HS6ST3: variants seen among roughly 807,000 people sequenced by gnomAD.
HS6ST3 encodes the protein heparan-sulfate 6-O-sulfotransferase 3.
HS6ST3 carries 12 observed loss-of-function variants against 36.7 expected under a neutral mutation model. That is an observed-to-expected ratio of 0.33 (90% CI 0.21 to 0.53). The LOEUF is 0.53. Among genes scored for constraint, HS6ST3 ranks in the 20% least tolerant of loss-of-function variants. HS6ST3 has a pLI of 0.95. For synonymous variants in HS6ST3, 240 were observed against 257.5 expected, an observed-to-expected ratio of 0.93 and a Z score of 0.65; for missense variants, 584 against 640.9, an observed-to-expected ratio of 0.91 and a Z score of 0.96.
At chr13:96,305,705 C>G (rs2054908643) in intron 1 of HS6ST3, among the ~76,000 whole-genome samples, 1 of 152,088 alleles carries the variant, frequency 6.6e-6, no homozygotes, top group Non-Finnish European at 1.5e-5. Flanking sequence ...GCTATTTTTA[C>G]TGCAATTTAC....
At chr13:96,123,751 A>G (rs526381) in intron 1 of HS6ST3, among the ~76,000 whole-genome samples, 125,076 of 152,116 alleles carry the variant, frequency 0.82, 51,775 homozygotes, top group East Asian at 0.91. Context: ...TTTTGGCATG[A>G]TATCTTTTGT....
In HS6ST3 at chr13:96,651,217, T is replaced by C. The variant is rs1263552872; in HGVS notation, c.708-181273T>C. The stretch of plus-strand genomic sequence containing the variant: ...TATGCCAGGAAGTAAGTATTTGTTA[T>C]CCTAATCCATTCCTTAAATCAACAT... On this transcript the variant is annotated intron_variant, in intron 1 of 1. Coordinates refer to ENST00000376705, the MANE Select transcript of HS6ST3 (RefSeq NM_153456.4). 2.0e-5 allele frequency among the ~76,000 whole-genome samples: 3 copies of C among 152,122 alleles called. No individual in the cohort carries two copies. The East Asian group carries it at 5.8e-4, about 29-fold the overall frequency.
chr13:96,819,106 T>C (rs892837524), intron 1 of HS6ST3, among the ~76,000 whole-genome samples: 2 of 152,206 alleles, frequency 1.3e-5, no homozygotes, highest in Non-Finnish European at 2.9e-5. Flanking sequence ...CAAACATTCA[T>C]TTGCCTTTCC....
chr13:96,100,596 G>C (rs1186009082), intron 1 of HS6ST3, among the ~76,000 whole-genome samples: 1 of 152,210 alleles, frequency 6.6e-6, no homozygotes, highest in Non-Finnish European at 1.5e-5. Flanking sequence ...CTTCTGGAGA[G>C]GAGGTGTTTG....
chr13:96,328,517 C>T (rs1162162189), intron 1 of HS6ST3, among the ~76,000 whole-genome samples: 1 of 151,972 alleles, frequency 6.6e-6, no homozygotes, highest in Admixed American at 6.6e-5. Flanking sequence ...AGCCTTGCAT[C>T]CCAGGGATGA....
intron 1 of HS6ST3, among the ~76,000 whole-genome samples, chr13:96,643,921 T>A (rs2139008331): frequency 6.6e-6 from 1 of 152,036 alleles, no homozygotes; most frequent in Non-Finnish European, 1.5e-5. Context: ...ATTTAGCTTC[T>A]TTTTAGGAAA....
At chr13:96,198,554 C>T (rs2054325964) in intron 1 of HS6ST3, among the ~76,000 whole-genome samples, 3 of 152,170 alleles carry the variant, frequency 2.0e-5, no homozygotes, top group African/African-American at 7.2e-5. Context: ...TTTCTTCTGC[C>T]AGCTACCCTA....
Position 96,633,034 on chromosome 13 carries a change from T to C in HS6ST3, c.708-199456T>C, listed in dbSNP as rs1034602994. On this transcript the variant is annotated intron_variant, in intron 1 of 1. Coordinates refer to ENST00000376705, the MANE Select transcript of HS6ST3 (RefSeq NM_153456.4). ...CCTCTTCTAATTTTTTTTCTGTTTTTTCATCTTGCTTTCCTGTCATTCTTC... is the reference window on the plus strand; with the variant it reads ...CCTCTTCTAATTTTTTTTCTGTTTTCTCATCTTGCTTTCCTGTCATTCTTC... 2.0e-5 allele frequency among the ~76,000 whole-genome samples: 3 copies of C among 152,212 alleles called. 1 individual carries two copies. The highest frequency in any genetic ancestry group is 4.1e-4 in the South Asian group (2 of 4,836).
chr13:96,481,753 C>T (rs2055891058), intron 1 of HS6ST3, among the ~76,000 whole-genome samples: 2 of 152,162 alleles, frequency 1.3e-5, no homozygotes, highest in South Asian at 4.1e-4. Flanking sequence ...GGGTGGTGAT[C>T]CCTGCCTGTC....
chr13:96,179,835 A>G (rs2054231077), intron 1 of HS6ST3, among the ~76,000 whole-genome samples: 1 of 151,426 alleles, frequency 6.6e-6, no homozygotes, highest in Non-Finnish European at 1.5e-5. Flanking sequence ...ATTTTATTCT[A>G]TTTATTTATT....
chr13:96,573,219 C>A (rs746520602), intron 1 of HS6ST3, among the ~76,000 whole-genome samples: 1 of 152,160 alleles, frequency 6.6e-6, no homozygotes, highest in Non-Finnish European at 1.5e-5. Flanking sequence ...ATTTCTATTT[C>A]CTGTGCGATA....
intron 1 of HS6ST3, among the ~76,000 whole-genome samples, chr13:96,773,890 C>T (rs112405440): frequency 0.042 from 6,356 of 152,040 alleles, 403 homozygotes; most frequent in African/African-American, 0.13. Context: ...TGGGAGACAC[C>T]TCCCAGCAGG....
In HS6ST3 at chr13:96,209,992, C is replaced by G. The variant is rs542927728; in HGVS notation, c.707+118423C>G. 3.9e-5 allele frequency among the ~76,000 whole-genome samples: 6 copies of G among 152,270 alleles called. No individual in the cohort carries two copies. In the South Asian group the frequency reaches 1.2e-3, roughly 32 times the overall value. ...CAAGCAGATTGTAATTCTGTGAGAA[C>G]AGATCTTCCTGGTTTGGTTTACTGC... On this transcript the variant is annotated intron_variant, in intron 1 of 1. Transcript: ENST00000376705.
chr13:96,746,760 T>C (rs7983691), intron 1 of HS6ST3, among the ~76,000 whole-genome samples: 41,469 of 151,972 alleles, frequency 0.27, 5,848 homozygotes, highest in Non-Finnish European at 0.32. Flanking sequence ...AACTCTAATC[T>C]AATTAATGGT....
chr13:96,378,423 C>T (rs1024202212), intron 1 of HS6ST3, among the ~76,000 whole-genome samples: 2 of 152,134 alleles, frequency 1.3e-5, no homozygotes, highest in South Asian at 2.1e-4. Flanking sequence ...AAGAACTCTT[C>T]GTGCATGTAG....
chr13:96,518,405 T>G (rs949227829), intron 1 of HS6ST3, among the ~76,000 whole-genome samples: 1 of 152,192 alleles, frequency 6.6e-6, no homozygotes, highest in African/African-American at 2.4e-5. Flanking sequence ...GAAGTATGTT[T>G]AATCTCTGTA....
chr13:96,316,545 C>T (rs903214486), intron 1 of HS6ST3, among the ~76,000 whole-genome samples: 5 of 152,116 alleles, frequency 3.3e-5, no homozygotes, highest in Non-Finnish European at 7.4e-5. Context: ...GGTCTTTGTC[C>T]ATTCAACACA....
intron 1 of HS6ST3, among the ~76,000 whole-genome samples, chr13:96,779,190 G>A (rs919270041): frequency 6.6e-6 from 1 of 151,934 alleles, no homozygotes; most frequent in Non-Finnish European, 1.5e-5. Context: ...GCTAGGGGAG[G>A]GATAGAATTA....
intron 1 of HS6ST3, among the ~76,000 whole-genome samples, chr13:96,522,929 G>A (rs1373028029): frequency 7.2e-5 from 11 of 152,118 alleles, no homozygotes; most frequent in African/African-American, 1.4e-4. Context: ...TATTTTGCTC[G>A]TTAGTTGATG....
Sources: allele counts gnomAD v4.1 joint callset (sites outside exome capture counted in the v4.1 genomes callset), GRCh38; gene constraint gnomAD v4.1.1; transcripts MANE v1.5; gene names NCBI Gene and HGNC (gene_info 2026-07-23, HGNC 2026-07-21).